Variants in JAKMIP3 observed in about 807,000 individuals in gnomAD.
JAKMIP3 encodes Janus kinase and microtubule interacting protein 3, also known as janus kinase and microtubule-interacting protein 3.
JAKMIP3 carries 58 observed loss-of-function variants against 118.5 expected under a neutral mutation model. The ratio of observed to expected loss-of-function variants is 0.49; its 90% CI spans 0.40 to 0.61. The LOEUF (loss-of-function observed/expected upper bound fraction) is 0.61. JAKMIP3 is among the 20% of genes least tolerant of loss of function. The pLI is 0.00. For missense variants in JAKMIP3, 950 were observed against 1,109.0 expected (o/e 0.86, Z 2.04); for synonymous variants, 486 against 451.2 (o/e 1.08, Z -0.98).
intron 16 of JAKMIP3, 73 bp from the exon 17 acceptor site, chr10:132,152,885 A>G (rs1196842846): frequency 1.6e-6 from 2 of 1,234,070 alleles, no homozygotes; most frequent in Non-Finnish European, 2.3e-6. Flanking sequence ...CAGCTTCCCC[A>G]TGCATCCATC....
Position 132,112,004 on chromosome 10 carries a change from G to C in JAKMIP3, c.136-5073G>C, listed in dbSNP as rs1459991899. The stretch of plus-strand genomic sequence containing the variant: ...GTGTGGAACTGCTCTGGGACACGGG[G>C]GAGAGGAGCCAGGAGGTGTTGGCAG... On this transcript the variant is annotated intron_variant, in intron 2 of 23. Coordinates refer to ENST00000684848, the MANE Select transcript of JAKMIP3 (RefSeq NM_001323087.2). The surrounding 1 kb of genome is among the most constrained non-coding windows in gnomAD (Gnocchi z 4.3). Among the ~76,000 whole-genome samples, 1 of 152,032 alleles carries C rather than the reference G, an allele frequency of 6.6e-6. No homozygotes were observed. Among genetic ancestry groups the C allele is most frequent in the Non-Finnish European group, 1.5e-5 (1 of 68,000 alleles).
At chr10:132,094,377 T>C (rs1437319699) in intron 1 of JAKMIP3, among the ~76,000 whole-genome samples, 1 of 152,118 alleles carries the variant, frequency 6.6e-6, no homozygotes, top group Admixed American at 6.5e-5. Context: ...TTCCCTCTCA[T>C]TTGGGTAGGC....
chr10:132,165,853 G>A (rs996698502), intron 21 of JAKMIP3, among the ~76,000 whole-genome samples: 7 of 152,192 alleles, frequency 4.6e-5, no homozygotes, highest in African/African-American at 1.2e-4. Flanking sequence ...TTGAGGCCCC[G>A]GTGGACTCCA....
intron 3 of JAKMIP3, among the ~76,000 whole-genome samples, chr10:132,124,111 G>A (rs967481960): frequency 2.0e-5 from 3 of 152,222 alleles, no homozygotes; most frequent in Non-Finnish European, 2.9e-5. Context: ...GCTCAAATCC[G>A]GAAGAAATGT....
chr10:132,180,033 G>T (rs1284823900), intron 23 of JAKMIP3, among the ~76,000 whole-genome samples: 1 of 152,138 alleles, frequency 6.6e-6, no homozygotes, highest in Non-Finnish European at 1.5e-5. Context: ...TGATTTGGGG[G>T]CTACTCAGTT....
chr10:132,182,823 C>T lies in JAKMIP3; in HGVS notation c.*1570C>T, dbSNP rs959011554. The T allele has an allele frequency of 6.6e-6, 1 of 152,214 alleles. No individual in the cohort carries two copies. Among genetic ancestry groups the T allele is most frequent in the African/African-American group, 2.4e-5 (1 of 41,440 alleles). The allele number at this position is 152,214 out of a possible 1,614,324, so 9.4% of individuals were successfully genotyped here. A position where few individuals can be genotyped will look rare whatever the true frequency, so the allele number is the denominator to read the frequency against. On this transcript the variant is annotated 3_prime_UTR_variant, in exon 24 of 24. Coordinates refer to ENST00000684848, the MANE Select transcript of JAKMIP3 (RefSeq NM_001323087.2). ...GATGACACGGTGGCTGCGGACCAGG[C>T]ATGGCTCCCTAGGTTGAAATCAGGG... is the stretch of plus-strand genomic sequence containing the variant.
At chr10:132,103,597 T>C (rs9419195) in intron 1 of JAKMIP3, among the ~76,000 whole-genome samples, 34,787 of 151,444 alleles carry the variant, frequency 0.23, 4,612 homozygotes, top group African/African-American at 0.38. Flanking sequence ...CAGCCTCGTC[T>C]AATCACCTCT....
Position 132,125,003 on chromosome 10 carries a change from C to T in JAKMIP3, c.633+7429C>T, listed in dbSNP as rs144593525. ...TAAGCCAGAGTATTCACCTTCTCCCCGTTGATGGCTTCTCTCAGTTTGTGG... is the reference window on the plus strand; with the variant it reads ...TAAGCCAGAGTATTCACCTTCTCCCTGTTGATGGCTTCTCTCAGTTTGTGG... On this transcript the variant is annotated intron_variant, in intron 3 of 23. Coordinates refer to ENST00000684848, the MANE Select transcript of JAKMIP3 (RefSeq NM_001323087.2). Among the ~76,000 whole-genome samples, 391 of 152,362 alleles carry T rather than the reference C, an allele frequency of 2.6e-3. 1 individual carries two copies. The highest frequency in any genetic ancestry group is 3.7e-3 in the Non-Finnish European group (254 of 68,040).
At chr10:132,139,145 TG>T (rs1564947140) in intron 9 of JAKMIP3, among the ~76,000 whole-genome samples, 7 of 151,314 alleles carry the variant, frequency 4.6e-5, no homozygotes, top group African/African-American at 1.7e-4. Flanking sequence ...CATGTGTATG[TG>T]AGTATGAGTG....
intron 3 of JAKMIP3, among the ~76,000 whole-genome samples, chr10:132,127,444 G>A (rs1449528165): frequency 4.0e-5 from 6 of 151,344 alleles, no homozygotes; most frequent in Admixed American, 1.3e-4. Context: ...TAGTAGAGAC[G>A]GGGTTTCACC....
chr10:132,100,589 C>T (rs376832525), intron 1 of JAKMIP3, among the ~76,000 whole-genome samples: 5 of 150,792 alleles, frequency 3.3e-5, no homozygotes, highest in East Asian at 1.9e-4. Context: ...CAGCCACCCC[C>T]AGGGCCGGAG....
At chr10:132,069,583 CT>C (rs2039492574) in intron 1 of JAKMIP3, among the ~76,000 whole-genome samples, 1 of 152,052 alleles carries the variant, frequency 6.6e-6, no homozygotes, top group Non-Finnish European at 1.5e-5. Flanking sequence ...GCATCCCCCC[CT>C]GCGTGCAGGT....
chr10:132,152,462 C>G (rs2056383040), intron 16 of JAKMIP3, among the ~76,000 whole-genome samples: 1 of 152,196 alleles, frequency 6.6e-6, no homozygotes, highest in Admixed American at 6.5e-5. Flanking sequence ...GGGGAGGAAG[C>G]ATGAATAAAA....
At chr10:132,139,298 ATGTGTGTGAG>A (rs756220760) in intron 9 of JAKMIP3, among the ~76,000 whole-genome samples, 6 of 83,020 alleles carry the variant, frequency 7.2e-5, no homozygotes, top group East Asian at 1.3e-3. Flanking sequence ...GCATCTGTGT[ATGTGTGTGAG>A]TGTGTATGTG....
At chr10:132,075,664 C>G (rs1564870505) in intron 1 of JAKMIP3, among the ~76,000 whole-genome samples, 1 of 152,156 alleles carries the variant, frequency 6.6e-6, no homozygotes, top group Non-Finnish European at 1.5e-5. Flanking sequence ...CCCGCCTTGG[C>G]CTCCCAAAGT....
Position 132,145,555 on chromosome 10 carries a change from G to A in JAKMIP3, c.1724G>A (p.Arg575Gln), listed in dbSNP as rs778256713. 29 of 1,565,130 alleles carry A rather than the reference G, an allele frequency of 1.9e-5. No homozygotes were observed. Among genetic ancestry groups the A allele is most frequent in the African/African-American group, 9.5e-5 (7 of 73,646 alleles). ...ATTGAAGAGAAGCAGGCACTGTACC[G>A]GAGAAATCAAGAGCTTGTGGAAAAG... ...KWIEEKQALY[R>Q]RNQELVEKIK... Residue 575 changes from arginine (R) to glutamine (Q), a missense_variant, in exon 13 of 24, where the codon CGG (arginine) becomes CAG (glutamine). Transcript: ENST00000684848.
At chr10:132,073,640 G>C (rs2040333112) in intron 1 of JAKMIP3, among the ~76,000 whole-genome samples, 1 of 151,934 alleles carries the variant, frequency 6.6e-6, no homozygotes, top group Non-Finnish European at 1.5e-5. Flanking sequence ...TGGACTATAG[G>C]TGTACACCAC....
rs11146184 is a variant in JAKMIP3, at chr10:132,106,521, G to A, written c.135+1578G>A. ...GATGAACACAGCCTGTGGCCTGGAG[G>A]GGGGAGTGTTGCTGAGGCTTCGGGG... On this transcript the variant is annotated intron_variant, in intron 2 of 23. Coordinates refer to ENST00000684848, the MANE Select transcript of JAKMIP3 (RefSeq NM_001323087.2). Among the ~76,000 whole-genome samples the A allele has an allele frequency of 1.4e-4, 21 of 152,200 alleles. No individual in the cohort carries two copies. The Middle Eastern group carries it at 0.01, about 74-fold the overall frequency.
At position 132,044,639 on chromosome 10, in the gene JAKMIP3, A is replaced by T. The variant is rs2037855438; in HGVS notation, c.-138+7901A>T. Among the ~76,000 whole-genome samples, 1 of 152,112 alleles carries T rather than the reference A, an allele frequency of 6.6e-6. No homozygotes were observed. The highest frequency in any genetic ancestry group is 1.5e-5 in the Non-Finnish European group (1 of 68,030). ...TTCCTCAGGGCAGCAGGACGCCACC[A>T]CATGCTGCGCTCAGGATGGAGGTTT... On this transcript the variant is annotated intron_variant, in intron 1 of 23. Transcript: ENST00000657785. The surrounding 1 kb of genome is among the most constrained non-coding windows in gnomAD (Gnocchi z 5.3).
Sources: allele counts gnomAD v4.1 joint callset (sites outside exome capture counted in the v4.1 genomes callset), GRCh38; gene constraint gnomAD v4.1.1; non-coding constraint Gnocchi (gnomAD v3.1); transcripts MANE v1.5; gene names NCBI Gene and HGNC (gene_info 2026-07-23, HGNC 2026-07-21).